DSG4: variants seen among roughly 807,000 people sequenced by gnomAD.
DSG4 encodes the protein desmoglein 4.
Under a neutral mutation model 93.1 loss-of-function variants are expected in DSG4, and 87 were observed. The ratio of observed to expected loss-of-function variants is 0.93; its 90% confidence interval spans 0.79 to 1.12. DSG4 has a LOEUF of 1.12. Among genes scored for constraint, DSG4 ranks in the 50% most tolerant of loss-of-function variants. The pLI is 0.00. For missense variants in DSG4, 1,373 were observed against 1,285.7 expected (o/e 1.07, Z -1.04); for synonymous variants, 432 against 452.9 (o/e 0.95, Z 0.59).
intron 1 of DSG4, among the ~76,000 whole-genome samples, chr18:31,381,742 G>A (rs984771375): frequency 6.6e-5 from 10 of 151,696 alleles, no homozygotes; most frequent in Middle Eastern, 3.4e-3. Flanking sequence ...TCACTGCAAC[G>A]TCCCCCTCCC....
At chr18:31,386,995 G>A (rs921504598) in intron 3 of DSG4, among the ~76,000 whole-genome samples, 176 bp downstream of exon 3, 4 of 152,138 alleles carry the variant, frequency 2.6e-5, no homozygotes, top group African/African-American at 9.7e-5. Context: ...GCTGACGTGG[G>A]GCAGGCAGTC....
chr18:31,402,743 A>G (rs1489149782), intron 10 of DSG4, among the ~76,000 whole-genome samples: 1 of 152,194 alleles, frequency 6.6e-6, no homozygotes, highest in East Asian at 1.9e-4. Flanking sequence ...CAGAACATAG[A>G]GTAGAAAAGT....
At chr18:31,378,319 G>C (rs910174605) in intron 1 of DSG4, among the ~76,000 whole-genome samples, 1 of 152,190 alleles carries the variant, frequency 6.6e-6, no homozygotes, top group Non-Finnish European at 1.5e-5. Context: ...GAAATAGTAA[G>C]TTATGAGGAT....
rs552804833 is a variant in DSG4, at chr18:31,377,732, A to C, written c.48+773A>C. Among the ~76,000 whole-genome samples, 11 of 152,334 alleles carry C rather than the reference A, an allele frequency of 7.2e-5. No homozygotes were observed. In the South Asian group the frequency reaches 2.3e-3, roughly 32 times the overall value. On this transcript the variant is annotated intron_variant, in intron 1 of 15. Coordinates refer to ENST00000308128, the MANE Select transcript of DSG4 (RefSeq NM_177986.5). ...AAGAAGAACAAAGTTCCAGTTGGCC[A>C]ATCAACAAACTATTGCCAATTCTGG...
chr18:31,412,778 T>C (rs1317332778), intron 15 of DSG4, 50 bp from the exon 16 acceptor site: 2 of 1,603,340 alleles, frequency 1.2e-6, no homozygotes, highest in East Asian at 2.2e-5. Flanking sequence ...TATTCTTCCT[T>C]ATTTTAGGGA....
At chr18:31,407,777 ACT>A (rs944655796) in intron 12 of DSG4, among the ~76,000 whole-genome samples, 3 of 152,304 alleles carry the variant, frequency 2.0e-5, no homozygotes, top group Admixed American at 1.3e-4. Context: ...CCAGAATATA[ACT>A]CTACAGCAAT....
chr18:31,392,810 TAATAA>T (rs553579352), intron 8 of DSG4, among the ~76,000 whole-genome samples: 293 of 152,222 alleles, frequency 1.9e-3, no homozygotes, highest in African/African-American at 6.6e-3. Context: ...CTAATGTGGG[TAATAA>T]AATAAACAAA....
At position 31,413,729 on chromosome 18, in the gene DSG4, T is replaced by A; in HGVS notation, c.*134T>A. On this transcript the variant is annotated 3_prime_UTR_variant, in exon 16 of 16. Transcript: ENST00000308128. ...GATATTCTAAGGTCAATGCCATTATTTGATTATACCATTTTGAGGGTGAAT... is the reference window on the plus strand; with the variant it reads ...GATATTCTAAGGTCAATGCCATTATATGATTATACCATTTTGAGGGTGAAT... The A allele has an allele frequency of 8.2e-7, 1 of 1,226,532 alleles. No individual in the cohort carries two copies. The highest frequency in any genetic ancestry group is 1.1e-6 in the Non-Finnish European group (1 of 872,802). 76.0% of individuals were successfully genotyped at this position (1,226,532 alleles called of 1,614,324 possible). A position where few individuals can be genotyped will look rare whatever the true frequency, so the allele number is the denominator to read the frequency against.
Position 31,406,364 on chromosome 18 carries a change from C to T in DSG4, c.1924C>T (p.Leu642=), listed in dbSNP as rs1343699449. 3 of 1,614,192 alleles carry T rather than the reference C, an allele frequency of 1.9e-6. No individual in the cohort carries two copies. Among genetic ancestry groups the T allele is most frequent in the Admixed American group, 1.7e-5 (1 of 60,024 alleles). Reference sequence around the variant, plus strand: ...TGGCATGATGGTTCTGGGCATCCTGCTACTGATTTGTAAGTACTCAATTAA... The same window carrying T: ...TGGCATGATGGTTCTGGGCATCCTGTTACTGATTTGTAAGTACTCAATTAA... ...GIGMMVLGIL[L]LILAPLLLLL... is the part of the protein sequence containing the mutation. The change falls in exon 12 of 16, where the codon CTA becomes TTA. Residue 642 remains leucine (L), a synonymous_variant. Transcript: ENST00000308128.
chr18:31,379,158 G>T (rs1038880333), intron 1 of DSG4, among the ~76,000 whole-genome samples: 1 of 152,138 alleles, frequency 6.6e-6, no homozygotes, highest in South Asian at 2.1e-4. Context: ...AAACAGACAG[G>T]GGTGGTGAGG....
At chr18:31,400,690 G>C (rs899135250) in intron 9 of DSG4, among the ~76,000 whole-genome samples, 191 bp from the exon 10 acceptor site, 2 of 151,994 alleles carry the variant, frequency 1.3e-5, no homozygotes, top group African/African-American at 4.8e-5. Context: ...TTTAAAACTT[G>C]CAGACCTGTA....
In DSG4 at chr18:31,413,851, T is replaced by C. The variant is rs138873160; in HGVS notation, c.*256T>C. On this transcript the variant is annotated 3_prime_UTR_variant, in exon 16 of 16. Coordinates refer to ENST00000308128, the MANE Select transcript of DSG4 (RefSeq NM_177986.5). The stretch of plus-strand genomic sequence containing the variant: ...GAAAATGTATTGCATCCCTTGATAC[T>C]GTCTAACGAATAGCACATAACTCAT... 141 of 440,002 alleles carry C rather than the reference T, an allele frequency of 3.2e-4. No homozygotes were observed. Among genetic ancestry groups the C allele is most frequent in the African/African-American group, 2.6e-3 (128 of 50,044 alleles). 27.3% of individuals were successfully genotyped at this position (440,002 alleles called of 1,614,324 possible).
At chr18:31,403,698 T>G in intron 11 of DSG4, 64 bp downstream of exon 11, 1 of 1,471,890 alleles carries the variant, frequency 6.8e-7, no homozygotes, top group South Asian at 1.2e-5. Context: ...TACCAAAAAA[T>G]GTGGCAAGTC....
chr18:31,400,180 T>C (rs2072349338), intron 9 of DSG4, among the ~76,000 whole-genome samples: 1 of 152,220 alleles, frequency 6.6e-6, no homozygotes, highest in African/African-American at 2.4e-5. Flanking sequence ...TCTCCTTTTC[T>C]TCTTCCAATA....
At position 31,392,198 on chromosome 18, in the gene DSG4, T is replaced by C. The variant is rs753238558; in HGVS notation, c.863T>C (p.Ile288Thr). Residue 288 changes from isoleucine (I) to threonine (T), a missense_variant, in exon 8 of 16, where the codon ATA becomes ACA. By Grantham distance (89) the Ile-to-Thr change is moderately conservative. Coordinates refer to ENST00000308128, the MANE Select transcript of DSG4 (RefSeq NM_177986.5). Reference sequence around the variant, plus strand: ...GAGAATTGTTTAAGTTCGGAACTGATACGATTACAAGCAATTGATCTTGAT... The same window carrying C: ...GAGAATTGTTTAAGTTCGGAACTGACACGATTACAAGCAATTGATCTTGAT... The part of the protein sequence containing the change: ...IEENCLSSEL[I>T]RLQAIDLDEE... 3.7e-6 allele frequency: 6 copies of C among 1,613,778 alleles called. No homozygotes were observed. In the East Asian group the frequency reaches 1.1e-4, roughly 30 times the overall value.
chr18:31,392,104 G>A lies in DSG4; in HGVS notation c.820-51G>A, dbSNP rs368598005. On this transcript the variant is annotated intron_variant, in intron 7 of 15. Coordinates refer to ENST00000308128, the MANE Select transcript of DSG4 (RefSeq NM_177986.5). ...AATAATAATAATGTGTTTTAAGTAC[G>A]TTTCTTCTTTTGAAAATTCATTGAC... 63 of 1,565,694 alleles carry A rather than the reference G, an allele frequency of 4.0e-5. No individual in the cohort carries two copies. In the East Asian group the frequency reaches 4.7e-4, roughly 12 times the overall value.
At position 31,399,595 on chromosome 18, in the gene DSG4, T is replaced by G. The variant is rs142081049; in HGVS notation, c.1277+52T>G. 8,357 of 1,609,644 alleles carry G rather than the reference T, an allele frequency of 5.2e-3. 41 individuals are homozygous for G. The highest frequency in any genetic ancestry group is 0.013 in the Middle Eastern group (81 of 6,054). Reference sequence around the variant, plus strand: ...TATGGTTCTATCCAGTGTTAATTCATGTAGCATGCGCTAATATATGTTGGT... The same window carrying G: ...TATGGTTCTATCCAGTGTTAATTCAGGTAGCATGCGCTAATATATGTTGGT... On this transcript the variant is annotated intron_variant, in intron 9 of 15. Transcript: ENST00000308128.
intron 1 of DSG4, among the ~76,000 whole-genome samples, chr18:31,378,579 T>C (rs2072101930): frequency 6.6e-6 from 1 of 152,216 alleles, no homozygotes; most frequent in South Asian, 2.1e-4. Context: ...GTAGTATTTA[T>C]TTATTTTCCT....
At position 31,406,450 on chromosome 18, in the gene DSG4, G is replaced by A. The variant is rs529702223; in HGVS notation, c.1933+77G>A. ...TTACGAGGCTCGCTGGGATGGTTAG[G>A]TTCATGGAGCCATTTCTTTTTGGTA... On this transcript the variant is annotated intron_variant, in intron 12 of 15. Coordinates refer to ENST00000308128, the MANE Select transcript of DSG4 (RefSeq NM_177986.5). 5.5e-5 allele frequency: 86 copies of A among 1,571,498 alleles called. No individual in the cohort carries two copies. In the African/African-American group the frequency reaches 8.5e-4, roughly 16 times the overall value.
Sources: gnomAD v4.1 joint callset for allele counts (sites outside exome capture counted in the v4.1 genomes callset) on GRCh38, gnomAD v4.1.1 for gene constraint, MANE v1.5 for transcripts, NCBI Gene and HGNC (gene_info 2026-07-23, HGNC 2026-07-21) for gene names.